Variants in SNX19 observed in about 807,000 individuals in gnomAD.
SNX19 encodes sorting nexin-19.
SNX19 carries 60 observed loss-of-function variants against 85.2 expected under a neutral mutation model. The observed-to-expected ratio is 0.70, with a 90% CI of 0.57 to 0.87. The LOEUF is 0.87. Among genes scored for constraint, SNX19 ranks in the 40% least tolerant of loss-of-function variants. The pLI is 0.00. For missense variants in SNX19, 1,201 were observed against 1,217.8 expected (o/e 0.99, Z 0.21); for synonymous variants, 520 against 470.0 (o/e 1.11, Z -1.38).
chr11:130,878,974 G>A (rs781026680), intron 10 of SNX19, among the ~76,000 whole-genome samples: 20 of 152,120 alleles, frequency 1.3e-4, no homozygotes, highest in Admixed American at 3.9e-4. Context: ...GGAAGTTAAC[G>A]AACACAGTCT....
chr11:130,886,601 G>A (rs932820031), intron 8 of SNX19, among the ~76,000 whole-genome samples: 9 of 152,276 alleles, frequency 5.9e-5, no homozygotes, highest in Admixed American at 3.9e-4. Context: ...ACATAAGTAT[G>A]AGTATTGGCT....
chr11:130,878,493 C>T lies in SNX19; in HGVS notation c.2908G>A (p.Glu970Lys), dbSNP rs1159992756. 2 of 1,613,902 alleles carry T rather than the reference C, an allele frequency of 1.2e-6. No homozygotes were observed. The highest frequency in any genetic ancestry group is 2.2e-5 in the East Asian group (1 of 44,850). ...GCAGAGGTGGTAGCAGCAGACTCCTCAACAGAGGCACTGAGATCCAAGAAT... is the reference window on the plus strand; with the variant it reads ...GCAGAGGTGGTAGCAGCAGACTCCTTAACAGAGGCACTGAGATCCAAGAAT... ...LEFLDLSASVEESAATTSASD... is the reference protein window; with the variant it reads ...LEFLDLSASVKESAATTSASD... Residue 970 changes from glutamate (E) to lysine (K), a missense_variant, in exon 11 of 11, where the codon GAG (glutamate) becomes AAG (lysine). Physicochemically the swap from Glu to Lys is moderately conservative, Grantham distance 56. Transcript: ENST00000265909.
intron 8 of SNX19, among the ~76,000 whole-genome samples, chr11:130,887,664 T>TAG (rs972789640): frequency 6.6e-5 from 10 of 152,356 alleles, no homozygotes; most frequent in African/African-American, 2.4e-4. Context: ...TCATTGGTCC[T>TAG]AGTTCTACTC....
chr11:130,907,223 A>T (rs1171669120), intron 5 of SNX19, among the ~76,000 whole-genome samples: 1 of 152,230 alleles, frequency 6.6e-6, no homozygotes, highest in Non-Finnish European at 1.5e-5. Flanking sequence ...GAGACTCATA[A>T]GCAGAGGTAT....
In SNX19 at chr11:130,892,594, TACTC is replaced by T. The variant is rs1265559892; in HGVS notation, c.2573+10657_2573+10660del. Among the ~76,000 whole-genome samples the T allele has an allele frequency of 3.9e-5, 6 of 152,364 alleles. No individual in the cohort carries two copies. In the South Asian group the frequency reaches 8.3e-4, roughly 21 times the overall value. On this transcript the variant is annotated intron_variant, in intron 8 of 10. Transcript: ENST00000265909. Reference sequence around the variant, plus strand: ...CCTCAGTTTTCTCACTTGTAAAGCTTACTCTTCCTGGCAGGCTCAGGGAAGTAAA... The same window carrying T: ...CCTCAGTTTTCTCACTTGTAAAGCTTTTCCTGGCAGGCTCAGGGAAGTAAA...
intron 8 of SNX19, among the ~76,000 whole-genome samples, chr11:130,889,176 C>T (rs1447895287): frequency 6.6e-6 from 1 of 151,938 alleles, no homozygotes; most frequent in Non-Finnish European, 1.5e-5. Flanking sequence ...CTTACTGGAC[C>T]CTGTTCTTAC....
chr11:130,899,710 C>T lies in SNX19; in HGVS notation c.2573+3545G>A, dbSNP rs78774168. Among the ~76,000 whole-genome samples the T allele has an allele frequency of 2.2e-3, 333 of 152,280 alleles. 8 individuals carry two copies. In the East Asian group the frequency reaches 0.05, roughly 23 times the overall value. On this transcript the variant is annotated intron_variant, in intron 8 of 10. Transcript: ENST00000265909. ...ATGAGGTAACTGAACATGTATAAAACATCTTCACCTGGAAATATGTACAAT... is the reference window on the plus strand; with the variant it reads ...ATGAGGTAACTGAACATGTATAAAATATCTTCACCTGGAAATATGTACAAT...
chr11:130,906,710 C>T lies in SNX19; in HGVS notation c.2177G>A (p.Arg726Lys). The T allele has an allele frequency of 6.2e-7, 1 of 1,611,492 alleles. No homozygotes were observed. Among genetic ancestry groups the T allele is most frequent in the Non-Finnish European group, 8.5e-7 (1 of 1,177,852 alleles). The stretch of plus-strand genomic sequence containing the variant: ...TGGAGAAATTTTACTGGATGAGAAC[C>T]TCAGCCTAGACCTGGTACAGAAACA... ...EGKKASKSRLRFSSSKISPAL... is the reference protein window; with the variant it reads ...EGKKASKSRLKFSSSKISPAL... Residue 726 changes from arginine to lysine, a missense_variant, in exon 6 of 11, where the codon AGG (arginine) becomes AAG (lysine). By Grantham distance (26) the Arg-to-Lys change is conservative. Transcript: ENST00000265909.
chr11:130,889,509 T>C (rs1010704781), intron 8 of SNX19, among the ~76,000 whole-genome samples: 6 of 124,424 alleles, frequency 4.8e-5, no homozygotes, highest in Non-Finnish European at 9.4e-5. Context: ...ATTTACTGAA[T>C]GAATCGATCC....
chr11:130,905,814 C>T (rs1226183701), intron 7 of SNX19, 139 bp downstream of exon 7: 2 of 1,547,548 alleles, frequency 1.3e-6, no homozygotes, highest in African/African-American at 1.4e-5. Flanking sequence ...AACACAGCAC[C>T]TCCAACACTG....
At chr11:130,887,545 T>C (rs1944177658) in intron 8 of SNX19, among the ~76,000 whole-genome samples, 1 of 152,226 alleles carries the variant, frequency 6.6e-6, no homozygotes, top group Non-Finnish European at 1.5e-5. Context: ...ATTAGCAATG[T>C]GACCTCAGGC....
intron 8 of SNX19, among the ~76,000 whole-genome samples, chr11:130,887,121 A>C (rs1268413604): frequency 6.6e-6 from 1 of 152,254 alleles, no homozygotes. Context: ...TCAAGGGAAG[A>C]CTTGACATTC....
chr11:130,889,369 A>G lies in SNX19; in HGVS notation c.2574-8563T>C, dbSNP rs141130183. 9.6e-3 allele frequency among the ~76,000 whole-genome samples: 1,465 copies of G among 152,116 alleles called. 83 individuals carry two copies. Among genetic ancestry groups the G allele is most frequent in the Admixed American group, 0.087 (1,331 of 15,268 alleles). Reference sequence around the variant, plus strand: ...ATTCATTTACTCAAAGCATTGGTTGAGCTTCTTGTAAATGCCCCCCGACCC... The same window carrying G: ...ATTCATTTACTCAAAGCATTGGTTGGGCTTCTTGTAAATGCCCCCCGACCC... On this transcript the variant is annotated intron_variant, in intron 8 of 10. Transcript: ENST00000265909.
rs1281394478 is a variant in SNX19, at chr11:130,868,199, C to A, written c.*10223G>T. 1 of 152,114 alleles carries A rather than the reference C, an allele frequency of 6.6e-6. No individual in the cohort carries two copies. Among genetic ancestry groups the A allele is most frequent in the Non-Finnish European group, 1.5e-5 (1 of 68,012 alleles). The allele number at this position is 152,114 out of a possible 1,614,324, so 9.4% of individuals were successfully genotyped here. On this transcript the variant is annotated 3_prime_UTR_variant, in exon 11 of 11. Transcript: ENST00000265909. ...TTCTCATGCCTTCCCTTTTCACACA[C>A]TGGGGGCAGACACTCTCTCCTACTG...
At chr11:130,896,200 G>T (rs1450009595) in intron 8 of SNX19, among the ~76,000 whole-genome samples, 1 of 152,226 alleles carries the variant, frequency 6.6e-6, no homozygotes, top group Admixed American at 6.5e-5. Flanking sequence ...TGCATAGGAA[G>T]AGATGGGGTA....
In SNX19 at chr11:130,876,916, A is replaced by ACAT. The variant is rs1384041828; in HGVS notation, c.*1503_*1505dup. On this transcript the variant is annotated 3_prime_UTR_variant, in exon 11 of 11. Coordinates refer to ENST00000265909, the MANE Select transcript of SNX19 (RefSeq NM_014758.3). Reference sequence around the variant, plus strand: ...AATTGCACACCTAAGCCTCCCGAATACATCAGACACAATTTAGGGTTAAAA... The same window carrying ACAT: ...AATTGCACACCTAAGCCTCCCGAATACATCATCAGACACAATTTAGGGTTAAAA... The ACAT allele has an allele frequency of 1.3e-5, 2 of 152,272 alleles. No homozygotes were observed. Among genetic ancestry groups the ACAT allele is most frequent in the African/African-American group, 4.8e-5 (2 of 41,468 alleles). The allele number at this position is 152,272 out of a possible 1,614,324, so 9.4% of individuals were successfully genotyped here.
At chr11:130,896,643 C>T (rs11222380) in intron 8 of SNX19, among the ~76,000 whole-genome samples, 5,432 of 152,180 alleles carry the variant, frequency 0.036, 156 homozygotes, top group South Asian at 0.13. Flanking sequence ...GTGGTTGTTA[C>T]GACTTTTATG....
chr11:130,890,849 C>T (rs1793371191), intron 8 of SNX19, among the ~76,000 whole-genome samples: 1 of 151,232 alleles, frequency 6.6e-6, no homozygotes, highest in African/African-American at 2.4e-5. Context: ...AAGTTTGCAC[C>T]TCCAATTGGA....
At position 130,915,233 on chromosome 11, in the gene SNX19, T is replaced by C; in HGVS notation, c.707A>G (p.His236Arg). Residue 236 changes from histidine to arginine, a missense_variant, in exon 1 of 11, where the codon CAT (histidine) becomes CGT (arginine). Physicochemically the swap from His to Arg is conservative, Grantham distance 29. Around this residue, in one of 3 missense-constraint regions of SNX19, gnomAD observed 791 missense variants for 750.9 expected, o/e 1.05. Transcript: ENST00000265909. ...KPHLETRTGR[H>R]VVVELITCNV... ...GCATGTGATGAGTTCGACCACTACATGGCGTCCGGTACGAGTCTCCAAGTG... is the reference window on the plus strand; with the variant it reads ...GCATGTGATGAGTTCGACCACTACACGGCGTCCGGTACGAGTCTCCAAGTG... The C allele has an allele frequency of 6.2e-7, 1 of 1,614,244 alleles. No individual in the cohort carries two copies. The highest frequency in any genetic ancestry group is 8.5e-7 in the Non-Finnish European group (1 of 1,180,038).
Sources: gnomAD v4.1 joint callset for allele counts (sites outside exome capture counted in the v4.1 genomes callset) on GRCh38, gnomAD v4.1.1 for gene constraint, gnomAD v4.1.1 regional missense constraint, MANE v1.5 for transcripts, NCBI Gene and HGNC (gene_info 2026-07-23, HGNC 2026-07-21) for gene names.